The following NLRP3 variants were observed in gnomAD, a reference collection of about 807,000 sequenced individuals.
NLRP3 encodes the protein NACHT, LRR and PYD domains-containing protein 3.
Under a neutral mutation model 91.3 loss-of-function variants are expected in NLRP3, and 48 were observed. The observed-to-expected ratio is 0.53, with a 90% confidence interval of 0.42 to 0.67. The LOEUF (loss-of-function observed/expected upper bound fraction) is 0.67. Ranked by LOEUF, NLRP3 falls within the 30% of genes least tolerant of loss-of-function variation. The pLI is 0.00. For synonymous variants in NLRP3, 561 were observed against 507.9 expected, an observed-to-expected ratio of 1.10 and a Z score of -1.41; for missense variants, 982 against 1,276.9, an observed-to-expected ratio of 0.77 and a Z score of 3.52.
At chr1:247,429,809 G>T (rs1663177721) in intron 5 of NLRP3, 54 bp downstream of exon 5, 3 of 1,589,750 alleles carry the variant, frequency 1.9e-6, no homozygotes, top group Non-Finnish European at 1.7e-6. Context: ...GAGAGAGAGA[G>T]AGAGAAACAG....
At chr1:247,416,765 C>T (rs753531412) in intron 1 of NLRP3, among the ~76,000 whole-genome samples, 2 of 151,964 alleles carry the variant, frequency 1.3e-5, no homozygotes, top group African/African-American at 2.4e-5. Flanking sequence ...TTGCAGGGCT[C>T]AGGAGGCGAG....
chr1:247,418,292 T>C lies in NLRP3; in HGVS notation c.-509T>C, dbSNP rs1037278067. On this transcript the variant is annotated 5_prime_UTR_variant, in exon 2 of 10. An upstream open reading frame in the 5' UTR loses its in-frame stop. Coordinates refer to ENST00000336119, the MANE Select transcript of NLRP3 (RefSeq NM_001243133.2). ...TCGAGCCAACAGGAGAACTTTCTGG[T>C]AAGCATTTGGCTAACTTTTTTTTTT... 1.9e-5 allele frequency: 4 copies of C among 208,864 alleles called. No homozygotes were observed. The highest frequency in any genetic ancestry group is 4.7e-5 in the African/African-American group (2 of 42,382). The allele number at this position is 208,864 out of a possible 1,614,324, so 12.9% of individuals were successfully genotyped here.
chr1:247,433,487 G>T (rs780907745), intron 5 of NLRP3, among the ~76,000 whole-genome samples: 1 of 152,194 alleles, frequency 6.6e-6, no homozygotes, highest in Non-Finnish European at 1.5e-5. Flanking sequence ...CAATGCACCC[G>T]GCACTGTTTA....
chr1:247,443,293 A>T (rs891707725), intron 7 of NLRP3, among the ~76,000 whole-genome samples: 3 of 152,086 alleles, frequency 2.0e-5, no homozygotes, highest in Non-Finnish European at 4.4e-5. Context: ...GTGGCAGCGC[A>T]ATCATGGCTC....
rs202125282 is a variant in NLRP3, at chr1:247,419,098, T to A, written c.277+21T>A. On this transcript the variant is annotated intron_variant, in intron 2 of 9. Transcript: ENST00000336119. ...GTGGGGTGAGTGGAAGGAAGACTTT[T>A]AAAAAAAATTGTGGCCAAGTGCACA... 623 of 1,600,324 alleles carry A rather than the reference T, an allele frequency of 3.9e-4. 1 individual carries two copies. Among genetic ancestry groups the A allele is most frequent in the Non-Finnish European group, 4.0e-4 (470 of 1,178,058 alleles).
At chr1:247,430,851 C>T (rs965275946) in intron 5 of NLRP3, among the ~76,000 whole-genome samples, 22 of 151,832 alleles carry the variant, frequency 1.4e-4, no homozygotes, top group African/African-American at 3.9e-4. Flanking sequence ...ACTGCAGCCT[C>T]GACCTCCCAG....
At chr1:247,435,852 G>A (rs1465810961) in intron 6 of NLRP3, 118 bp from the exon 7 acceptor site, 1 of 922,254 alleles carries the variant, frequency 1.1e-6, no homozygotes, top group African/African-American at 1.6e-5. Context: ...TAGAGCTTGT[G>A]TCCACTCCCT....
In NLRP3 at chr1:247,424,728, G is replaced by A; in HGVS notation, c.1279G>A (p.Gly427Ser). ...CTGLKQQMESGKSLAQTSKTT... is the reference protein window; with the variant it reads ...CTGLKQQMESSKSLAQTSKTT... ...TGGACTGAAACAGCAGATGGAGAGT[G>A]GCAAGAGCCTTGCCCAGACATCCAA... Residue 427 changes from glycine (G) to serine (S), a missense_variant, in exon 4 of 10, where the codon GGC becomes AGC. Gly to Ser is a moderately conservative substitution (Grantham distance 56). Coordinates refer to ENST00000336119, the MANE Select transcript of NLRP3 (RefSeq NM_001243133.2). This position sits in a 1 kb window ranked among gnomAD's most constrained non-coding sequence, Gnocchi z 8.1. 1.2e-6 allele frequency: 2 copies of A among 1,614,018 alleles called. No homozygotes were observed. Among genetic ancestry groups the A allele is most frequent in the South Asian group, 1.1e-5 (1 of 91,084 alleles).
intron 6 of NLRP3, among the ~76,000 whole-genome samples, chr1:247,435,031 C>T (rs759378615): frequency 1.3e-4 from 20 of 152,148 alleles, no homozygotes; most frequent in Admixed American, 3.3e-4. Flanking sequence ...GCAGGTGGAT[C>T]ACTGGAGGTC....
At chr1:247,428,705 A>C (rs1663086969) in intron 4 of NLRP3, among the ~76,000 whole-genome samples, 1 of 152,116 alleles carries the variant, frequency 6.6e-6, no homozygotes. Flanking sequence ...CTGTAACCTC[A>C]GCTACTCGGG....
chr1:247,423,911 C>T lies in NLRP3; in HGVS notation c.462C>T (p.Ala154=). Residue 154 remains alanine (A), a synonymous_variant, in exon 4 of 10, where the codon GCC becomes GCT. Transcript: ENST00000336119. ...SRFQCIEDRN[A]RLGESVSLNK... is the part of the protein sequence containing the mutation. ...TCCAGTGCATTGAAGACAGGAATGC[C>T]CGTCTGGGTGAGAGTGTGAGCCTCA... The T allele has an allele frequency of 6.2e-7, 1 of 1,613,962 alleles. No individual in the cohort carries two copies. Among genetic ancestry groups the T allele is most frequent in the African/African-American group, 1.3e-5 (1 of 74,986 alleles).
At chr1:247,440,480 AG>A (rs1243438548) in intron 7 of NLRP3, among the ~76,000 whole-genome samples, 1 of 152,164 alleles carries the variant, frequency 6.6e-6, no homozygotes, top group African/African-American at 2.4e-5. Context: ...AATCTTCAAA[AG>A]TTCTTCTCTG....
chr1:247,441,069 ATTCCTTCC>A (rs34747357), intron 7 of NLRP3, among the ~76,000 whole-genome samples: 14 of 147,678 alleles, frequency 9.5e-5, no homozygotes, highest in South Asian at 4.3e-4. Context: ...TCTTCTTCAG[ATTCCTTCC>A]TTCCTTCCTT....
In NLRP3 at chr1:247,425,593, C is replaced by A; in HGVS notation, c.2144C>A (p.Ser715Tyr). 6.2e-7 allele frequency: 1 copy of A among 1,605,372 alleles called. No homozygotes were observed. The highest frequency in any genetic ancestry group is 1.3e-5 in the African/African-American group (1 of 75,010). The change falls in exon 4 of 10, where the codon TCT becomes TAT. Residue 715 changes from serine (S) to tyrosine (Y), a missense_variant. This residue lies in a region of NLRP3 where 373 missense variants were observed against 431.5 expected (regional missense o/e 0.86). Coordinates refer to ENST00000336119, the MANE Select transcript of NLRP3 (RefSeq NM_001243133.2). The surrounding 1 kb of genome is among the most constrained non-coding windows in gnomAD (Gnocchi z 4.1). ...CCAAGCTCCTCTCATGCTGCCTGTT[C>A]TCATGGGTAAGGAAACTCGGCTTCC... ...VLPSSSHAAC[S>Y]HGLVNSHLTS...
chr1:247,448,679 TC>T lies in NLRP3; in HGVS notation c.*177del, dbSNP rs796764638. 0.053 allele frequency: 35,318 copies of T among 669,592 alleles called. 2,774 individuals carry two copies. The highest frequency in any genetic ancestry group is 0.28 in the African/African-American group (15,651 of 55,986). The allele number at this position is 669,592 out of a possible 1,614,324, so 41.5% of individuals were successfully genotyped here. ...CCTTCCTGTGCAGAGCTTGGGCATC[TC>T]CTTTACGCCAGGGTGAGGAAGACAC... is the stretch of plus-strand genomic sequence containing the variant. On this transcript the variant is annotated 3_prime_UTR_variant, in exon 10 of 10. Coordinates refer to ENST00000336119, the MANE Select transcript of NLRP3 (RefSeq NM_001243133.2).
chr1:247,423,134 G>C (rs773429874), intron 2 of NLRP3, 96 bp from the exon 3 acceptor site: 6 of 1,536,288 alleles, frequency 3.9e-6, no homozygotes, highest in Non-Finnish European at 5.4e-6. Context: ...GGGGATGTTT[G>C]GGGTCTCCTC....
At chr1:247,428,896 C>CTTTTTTTTTTTTT (rs1174663389) in intron 4 of NLRP3, among the ~76,000 whole-genome samples, 1 of 136,564 alleles carries the variant, frequency 7.3e-6, no homozygotes, top group Non-Finnish European at 1.6e-5. Context: ...TTTTCTTTTT[C>CTTTTTTTTTTTTT]TTTTTTTTTT....
chr1:247,444,845 C>A lies in NLRP3; in HGVS notation c.3005+24C>A, dbSNP rs181470201. 1.9e-6 allele frequency: 3 copies of A among 1,611,960 alleles called. No homozygotes were observed. The East Asian group carries it at 6.7e-5, about 36-fold the overall frequency. ...GGGTGAGTGTGCTCTGCAGAGATGC[C>A]CGTGGTGGGACTCTGAGTTCTCAGG... is the stretch of plus-strand genomic sequence containing the variant. On this transcript the variant is annotated intron_variant, in intron 9 of 9. Coordinates refer to ENST00000336119, the MANE Select transcript of NLRP3 (RefSeq NM_001243133.2).
intron 5 of NLRP3, 39 bp downstream of exon 5, chr1:247,429,794 CA>C (rs746849736): frequency 5.6e-6 from 9 of 1,606,284 alleles, no homozygotes; most frequent in Non-Finnish European, 6.0e-6. Context: ...AGTGCAAGTT[CA>C]TATGAGAGAG....
Sources: gnomAD v4.1 joint callset for allele counts (sites outside exome capture counted in the v4.1 genomes callset) on GRCh38, gnomAD v4.1.1 for gene constraint, gnomAD v4.1.1 regional missense constraint, Gnocchi (gnomAD v3.1) non-coding constraint, MANE v1.5 for transcripts, NCBI Gene and HGNC (gene_info 2026-07-23, HGNC 2026-07-21) for gene names.